The following KCNAB2 variants were observed in gnomAD, a reference collection of about 807,000 sequenced individuals.
The protein encoded by KCNAB2 is voltage-gated potassium channel subunit beta-2.
In KCNAB2, 29 loss-of-function variants were observed where a neutral mutation model predicts 63.6. That is an observed-to-expected ratio of 0.46 (90% CI 0.34 to 0.62). The LOEUF (loss-of-function observed/expected upper bound fraction) is 0.62, where lower values mean the gene tolerates loss of function less well. Among genes scored for constraint, KCNAB2 ranks in the 20% least tolerant of loss-of-function variants. KCNAB2 has a pLI of 0.01. For synonymous variants in KCNAB2, 222 were observed against 224.2 expected (o/e 0.99, Z 0.09); for missense variants, 359 against 563.9 (o/e 0.64, Z 3.68).
intron 15 of KCNAB2, chr1:6,097,821 C>A: frequency 3.4e-6 from 1 of 295,930 alleles, no homozygotes; most frequent in Non-Finnish European, 6.2e-6. Context: ...CTGAGAGGCA[C>A]GAAACACCTC....
In KCNAB2 at chr1:6,000,798, A is replaced by G. The variant is rs888838530; in HGVS notation, c.-53+8010A>G. 9.8e-5 allele frequency among the ~76,000 whole-genome samples: 15 copies of G among 152,326 alleles called. 1 individual carries two copies. In the East Asian group the frequency reaches 2.7e-3, roughly 27 times the overall value. ...ACAGCCCTCTCCAGGGCAGTGCTAC[A>G]GTGAGACCAGGGTCTGGGGAATGTC... On this transcript the variant is annotated intron_variant, in intron 1 of 16. Transcript: ENST00000341524.
chr1:6,085,874 G>A (rs960420371), intron 6 of KCNAB2: 88 of 986,918 alleles, frequency 8.9e-5, no homozygotes, highest in Non-Finnish European at 1.0e-4. Context: ...AGCTCAGGGC[G>A]GGACGTGTCA....
At chr1:6,022,853 G>A (rs576064551) in intron 1 of KCNAB2, among the ~76,000 whole-genome samples, 1 of 149,138 alleles carries the variant, frequency 6.7e-6, no homozygotes, top group South Asian at 2.1e-4. Flanking sequence ...ATGTTCCCTT[G>A]CATGTGTGTG....
chr1:5,996,303 C>T (rs1656933487), intron 1 of KCNAB2, among the ~76,000 whole-genome samples: 1 of 152,200 alleles, frequency 6.6e-6, no homozygotes, highest in Non-Finnish European at 1.5e-5. Flanking sequence ...ATGCTGGGCC[C>T]TCTTGTCCTC....
Position 6,074,564 on chromosome 1 carries a change from G to T in KCNAB2, c.300+794G>T, listed in dbSNP as rs893077294. 6.6e-6 allele frequency among the ~76,000 whole-genome samples: 1 copy of T among 152,252 alleles called. No homozygotes were observed. The highest frequency in any genetic ancestry group is 2.4e-5 in the African/African-American group (1 of 41,472). On this transcript the variant is annotated intron_variant, in intron 4 of 15. Coordinates refer to ENST00000378083, the MANE Select transcript of KCNAB2 (RefSeq NM_001199862.2). This position sits in a 1 kb window ranked among gnomAD's most constrained non-coding sequence, Gnocchi z 4.9. Reference sequence around the variant, plus strand: ...TTTAAAAATTGATCAGCGAATTGATGTGAGACCTTGTTAGCTGCGATTGCT... The same window carrying T: ...TTTAAAAATTGATCAGCGAATTGATTTGAGACCTTGTTAGCTGCGATTGCT...
intron 1 of KCNAB2, among the ~76,000 whole-genome samples, chr1:6,002,116 C>G (rs1657294136): frequency 6.6e-6 from 1 of 152,226 alleles, no homozygotes; most frequent in Admixed American, 6.5e-5. Flanking sequence ...GCCTTGGAAC[C>G]AAGCCTAAGC....
At chr1:6,092,714 G>A (rs1048628482) in intron 10 of KCNAB2, among the ~76,000 whole-genome samples, 10 of 152,210 alleles carry the variant, frequency 6.6e-5, no homozygotes, top group East Asian at 5.8e-4. Flanking sequence ...AGGGTCTATC[G>A]GAGTTGGCAG....
chr1:6,031,338 C>A (rs1490577817), upstream of KCNAB2, among the ~76,000 whole-genome samples: 5 of 152,102 alleles, frequency 3.3e-5, no homozygotes, highest in Non-Finnish European at 7.4e-5. The surrounding 1 kb of genome is among the most constrained non-coding windows in gnomAD (Gnocchi z 4.1). Flanking sequence ...GAGACAGTGC[C>A]CCCAAAGCTC....
At chr1:6,039,072 A>T (rs2100445150) in intron 1 of KCNAB2, among the ~76,000 whole-genome samples, 1 of 152,318 alleles carries the variant, frequency 6.6e-6, no homozygotes, top group Non-Finnish European at 1.5e-5. Flanking sequence ...ACCCGTGTGC[A>T]GGCAGCAAGG....
upstream of KCNAB2, among the ~76,000 whole-genome samples, chr1:6,044,668 A>T (rs1239763875): frequency 6.6e-6 from 1 of 152,182 alleles, no homozygotes; most frequent in Non-Finnish European, 1.5e-5. Context: ...GTGTTTGAGC[A>T]GGGCAGGGGT....
chr1:6,091,431 G>GGAAA, intron 10 of KCNAB2, 124 bp downstream of exon 10: 1 of 723,270 alleles, frequency 1.4e-6, no homozygotes, highest in Non-Finnish European at 2.3e-6. Context: ...CATAAAGAGG[G>GGAAA]GAAAGAGCAC....
At chr1:6,030,744 G>A (rs752530616), upstream of KCNAB2, among the ~76,000 whole-genome samples, 2 of 151,420 alleles carry the variant, frequency 1.3e-5, no homozygotes, top group Non-Finnish European at 2.9e-5. Context: ...GTTTATGTGT[G>A]TATATGTGTG....
Position 6,028,545 on chromosome 1 carries a change from C to G in KCNAB2, c.-52-11972C>G, listed in dbSNP as rs1449051770. Among the ~76,000 whole-genome samples, 2 of 152,214 alleles carry G rather than the reference C, an allele frequency of 1.3e-5. No homozygotes were observed. The highest frequency in any genetic ancestry group is 2.9e-5 in the Non-Finnish European group (2 of 68,038). On this transcript the variant is annotated intron_variant, in intron 1 of 16. Coordinates refer to the KCNAB2 transcript ENST00000341524. This position sits in a 1 kb window ranked among gnomAD's most constrained non-coding sequence, Gnocchi z 4.0. ...ACACCTAGCCCAGAACAGCCCCCCT[C>G]TCTCCATCCCTTCTGCGATGTTCAC...
intron 1 of KCNAB2, among the ~76,000 whole-genome samples, chr1:6,037,680 T>G (rs1045374194): frequency 1.3e-5 from 2 of 152,158 alleles, no homozygotes; most frequent in Non-Finnish European, 2.9e-5. Context: ...ATGATTTGAT[T>G]TCCTGCCTCT....
At chr1:6,023,975 C>G (rs1290084067) in intron 1 of KCNAB2, among the ~76,000 whole-genome samples, 1 of 149,796 alleles carries the variant, frequency 6.7e-6, no homozygotes, top group African/African-American at 2.5e-5. Context: ...AAGTTTCACT[C>G]TTGTCTCCCA....
intron 2 of KCNAB2, among the ~76,000 whole-genome samples, chr1:6,062,392 G>A (rs1033265431): frequency 1.3e-5 from 2 of 152,074 alleles, no homozygotes; most frequent in African/African-American, 4.8e-5. Flanking sequence ...GCTAGGAAAC[G>A]CCATTCCCCC....
intron 9 of KCNAB2, 67 bp downstream of exon 9, chr1:6,090,542 T>C: frequency 1.6e-6 from 2 of 1,264,686 alleles, no homozygotes; most frequent in Non-Finnish European, 2.3e-6. Context: ...AACCTGGGGT[T>C]GTAGAGGCCG....
chr1:6,078,919 G>A lies in KCNAB2; in HGVS notation c.301-3276G>A, dbSNP rs57034281. Among the ~76,000 whole-genome samples, 3,883 of 152,310 alleles carry A rather than the reference G, an allele frequency of 0.025. 166 individuals carry two copies. The highest frequency in any genetic ancestry group is 0.089 in the African/African-American group (3,683 of 41,538). On this transcript the variant is annotated intron_variant, in intron 4 of 15. Transcript: ENST00000378083. The surrounding 1 kb of genome is among the most constrained non-coding windows in gnomAD (Gnocchi z 4.2). ...GAAGGTGCAGGGAGAGAGGATGGAAGCAGAGAGCTAGGAGGCTATTGTGAG... is the reference window on the plus strand; with the variant it reads ...GAAGGTGCAGGGAGAGAGGATGGAAACAGAGAGCTAGGAGGCTATTGTGAG...
At chr1:6,097,136 G>A (rs1665709104) in intron 14 of KCNAB2, 133 bp from the exon 15 acceptor site, 3 of 1,034,264 alleles carry the variant, frequency 2.9e-6, no homozygotes, top group Admixed American at 5.8e-5. Context: ...GCCCAGCACT[G>A]CAGGGCTTCC....
Sources: allele counts gnomAD v4.1 joint callset (sites outside exome capture counted in the v4.1 genomes callset), GRCh38; gene constraint gnomAD v4.1.1; non-coding constraint Gnocchi (gnomAD v3.1); transcripts MANE v1.5; gene names NCBI Gene and HGNC (gene_info 2026-07-23, HGNC 2026-07-21).